Variants in LRCH3 observed in about 807,000 individuals in gnomAD.
LRCH3 encodes DISP complex protein LRCH3.
A neutral mutation model predicts 104.5 loss-of-function variants in LRCH3; 68 were observed. The ratio of observed to expected loss-of-function variants is 0.65; its 90% CI spans 0.54 to 0.80. The LOEUF (loss-of-function observed/expected upper bound fraction) is 0.80. LRCH3 is among the 30% of genes least tolerant of loss of function. The pLI is 0.00. For synonymous variants in LRCH3, 344 were observed against 361.3 expected, an observed-to-expected ratio of 0.95 and a Z score of 0.54; for missense variants, 951 against 953.9, an observed-to-expected ratio of 1.00 and a Z score of 0.04.
At position 197,886,750 on chromosome 3, in the gene LRCH3, G is replaced by C. The variant is rs1714220769; in HGVS notation, c.*3084G>C. The C allele has an allele frequency of 1.3e-5, 2 of 148,614 alleles. No homozygotes were observed. Among genetic ancestry groups the C allele is most frequent in the Admixed American group, 1.4e-4 (2 of 14,732 alleles). 9.2% of individuals were successfully genotyped at this position (148,614 alleles called of 1,614,324 possible). A position where few individuals can be genotyped will look rare whatever the true frequency, so the allele number is the denominator to read the frequency against. ...AACCTGGAAGCCGAAGGTTGCAGTGGGCTGAGATTGTGCCACTGCACTCCA... is the reference window on the plus strand; with the variant it reads ...AACCTGGAAGCCGAAGGTTGCAGTGCGCTGAGATTGTGCCACTGCACTCCA... On this transcript the variant is annotated 3_prime_UTR_variant, in exon 21 of 21. Coordinates refer to ENST00000425562, the MANE Select transcript of LRCH3 (RefSeq NM_001365715.1).
At chr3:197,861,250 G>A (rs1436129808) in intron 15 of LRCH3, among the ~76,000 whole-genome samples, 1 of 152,102 alleles carries the variant, frequency 6.6e-6, no homozygotes, top group Non-Finnish European at 1.5e-5. Context: ...TCTCTTCCAT[G>A]TGAACCCTTT....
chr3:197,866,042 T>C, intron 16 of LRCH3, 70 bp from the exon 17 acceptor site: 1 of 1,102,058 alleles, frequency 9.1e-7, no homozygotes, highest in South Asian at 1.3e-5. Flanking sequence ...CTTGTTACTT[T>C]TGTAACTTGT....
chr3:197,793,444 A>G (rs576330847), intron 1 of LRCH3, among the ~76,000 whole-genome samples: 12 of 152,280 alleles, frequency 7.9e-5, no homozygotes, highest in African/African-American at 2.9e-4. Flanking sequence ...TCTGTTTAGG[A>G]GATGGCTATA....
rs552096098 is a variant in LRCH3, at chr3:197,820,419, A to G, written c.629A>G (p.His210Arg). ...AATGTAAGAAGAAATCACCTAGTACATTTGCCTGAAGGTAAGAAACTATGA... is the reference window on the plus strand; with the variant it reads ...AATGTAAGAAGAAATCACCTAGTACGTTTGCCTGAAGGTAAGAAACTATGA... The part of the protein sequence containing the change: ...DLNVRRNHLV[H>R]LPEELAELPL... Residue 210 changes from histidine (H) to arginine (R), a missense_variant, in exon 4 of 21, where the codon CAT becomes CGT. Physicochemically the swap from His to Arg is conservative, Grantham distance 29. Coordinates refer to ENST00000425562, the MANE Select transcript of LRCH3 (RefSeq NM_001365715.1). 369 of 1,584,236 alleles carry G rather than the reference A, an allele frequency of 2.3e-4. 2 individuals are homozygous for G. The South Asian group carries it at 3.8e-3, about 16-fold the overall frequency.
At chr3:197,795,874 G>A (rs1731156428) in intron 1 of LRCH3, among the ~76,000 whole-genome samples, 1 of 151,596 alleles carries the variant, frequency 6.6e-6, no homozygotes, top group African/African-American at 2.4e-5. Context: ...TATATATTTA[G>A]TAGAGATGGG....
chr3:197,809,270 C>T (rs866917645), intron 1 of LRCH3, among the ~76,000 whole-genome samples: 87 of 151,508 alleles, frequency 5.7e-4, no homozygotes, highest in African/African-American at 2.0e-3. Context: ...TGCACTCCAG[C>T]TGGGGTAACA....
Position 197,887,115 on chromosome 3 carries a change from G to GA in LRCH3, c.*3451dup, listed in dbSNP as rs898617904. 7.9e-5 allele frequency: 12 copies of GA among 151,926 alleles called. No individual in the cohort carries two copies. Among genetic ancestry groups the GA allele is most frequent in the African/African-American group, 2.9e-4 (12 of 41,400 alleles). 9.4% of individuals were successfully genotyped at this position (151,926 alleles called of 1,614,324 possible). ...TTTTTCAAACCCTCTGCAGAGGTAG[G>GA]AAGGTATGAATTTCTTTTTTATGTC... On this transcript the variant is annotated 3_prime_UTR_variant, in exon 21 of 21. Coordinates refer to ENST00000425562, the MANE Select transcript of LRCH3 (RefSeq NM_001365715.1).
At chr3:197,871,647 C>T (rs931885230) in intron 19 of LRCH3, 185 bp downstream of exon 19, 19 of 672,546 alleles carry the variant, frequency 2.8e-5, no homozygotes, top group African/African-American at 5.4e-5. Flanking sequence ...TACAGCAGTG[C>T]GATAAATGTA....
Position 197,854,718 on chromosome 3 carries a change from A to G in LRCH3, c.1644+273A>G, listed in dbSNP as rs904358736. ...GCTGGGAATGGAGGCATAACATAAT[A>G]TTCATGTTTTAAATGTGTCTAATTC... On this transcript the variant is annotated intron_variant, in intron 14 of 20. Transcript: ENST00000425562. This position sits in a 1 kb window ranked among gnomAD's most constrained non-coding sequence, Gnocchi z 4.5. 4.6e-5 allele frequency among the ~76,000 whole-genome samples: 7 copies of G among 152,186 alleles called. No individual in the cohort carries two copies. In the East Asian group the frequency reaches 1.3e-3, roughly 29 times the overall value.
At chr3:197,803,505 A>T (rs1276110114) in intron 1 of LRCH3, among the ~76,000 whole-genome samples, 1 of 152,116 alleles carries the variant, frequency 6.6e-6, no homozygotes, top group East Asian at 1.9e-4. Context: ...ATTTCCTTAG[A>T]ATTTGCTACT....
rs1317015626 is a variant in LRCH3, at chr3:197,816,334, G to A, written c.408-842G>A. Among the ~76,000 whole-genome samples, 4 of 152,138 alleles carry A rather than the reference G, an allele frequency of 2.6e-5. No homozygotes were observed. The East Asian group carries it at 7.7e-4, about 29-fold the overall frequency. On this transcript the variant is annotated intron_variant, in intron 2 of 20. Transcript: ENST00000425562. ...TTACTCTCGTTGCCCAGGCTGGAGT[G>A]CAATGGTGTGATCTTGGCTCGCCAC...
chr3:197,883,746 A>T lies in LRCH3; in HGVS notation c.*80A>T. The T allele has an allele frequency of 7.0e-7, 1 of 1,433,594 alleles. No homozygotes were observed. The highest frequency in any genetic ancestry group is 9.3e-7 in the Non-Finnish European group (1 of 1,079,996). The allele number at this position is 1,433,594 out of a possible 1,614,324, so 88.8% of individuals were successfully genotyped here. ...GATTGCTGCTGCCAGCTGTCTGCTT[A>T]AACAAAGCTCTTGTGTGTTCTCAGA... On this transcript the variant is annotated 3_prime_UTR_variant, in exon 21 of 21. Transcript: ENST00000425562. The surrounding 1 kb of genome is among the most constrained non-coding windows in gnomAD (Gnocchi z 4.2).
chr3:197,795,686 G>GTTTTTTTTTTTT (rs1167369678), intron 1 of LRCH3, among the ~76,000 whole-genome samples: 1 of 65,818 alleles, frequency 1.5e-5, no homozygotes, highest in Non-Finnish European at 2.7e-5. Flanking sequence ...AAAAGTTGTT[G>GTTTTTTTTTTTT]TTTTTTTTTT....
At chr3:197,877,620 A>G (rs934935655) in intron 20 of LRCH3, among the ~76,000 whole-genome samples, 5 of 152,274 alleles carry the variant, frequency 3.3e-5, no homozygotes, top group Non-Finnish European at 4.4e-5. Context: ...GGAGTTGACT[A>G]GGCCACAGCA....
At chr3:197,814,129 T>G (rs1322762814) in intron 1 of LRCH3, among the ~76,000 whole-genome samples, 2 of 152,144 alleles carry the variant, frequency 1.3e-5, no homozygotes, top group African/African-American at 4.8e-5. Context: ...GACGTGAAAC[T>G]GGGAACAAAA....
intron 15 of LRCH3, 200 bp downstream of exon 15, chr3:197,859,105 C>T (rs1740598214): frequency 1.8e-6 from 1 of 563,230 alleles, no homozygotes; most frequent in Non-Finnish European, 3.2e-6. Flanking sequence ...ATAGAGCTCA[C>T]ATTAATTCTT....
chr3:197,880,247 T>A (rs544515241), intron 20 of LRCH3, among the ~76,000 whole-genome samples: 3 of 151,184 alleles, frequency 2.0e-5, no homozygotes, highest in Admixed American at 6.5e-5. Flanking sequence ...GCCCGGCCTG[T>A]GTATTGTATT....
At chr3:197,812,781 C>T (rs1161080137) in intron 1 of LRCH3, among the ~76,000 whole-genome samples, 2 of 152,026 alleles carry the variant, frequency 1.3e-5, no homozygotes, top group Admixed American at 6.6e-5. Flanking sequence ...AGGCTGGTCT[C>T]GAACTCCTGA....
Position 197,839,328 on chromosome 3 carries a change from C to T in LRCH3, c.1259C>T (p.Pro420Leu). The change falls in exon 10 of 21, where the codon CCA becomes CTA. Residue 420 changes from proline (P) to leucine (L), a missense_variant. Pro to Leu is a moderately conservative substitution (Grantham distance 98). Transcript: ENST00000425562. ...EQRRISHEGS[P>L]VKPVAIREFQ... The stretch of plus-strand genomic sequence containing the variant: ...TTCTGTCCTCTGGCCTAGGGTTCAC[C>T]AGTAAAGCCAGTAGCCATTAGGGAG... The T allele has an allele frequency of 6.3e-7, 1 of 1,591,080 alleles. No individual in the cohort carries two copies. The highest frequency in any genetic ancestry group is 8.5e-7 in the Non-Finnish European group (1 of 1,171,016).
Sources: allele counts gnomAD v4.1 joint callset (sites outside exome capture counted in the v4.1 genomes callset), GRCh38; gene constraint gnomAD v4.1.1; non-coding constraint Gnocchi (gnomAD v3.1); transcripts MANE v1.5; gene names NCBI Gene and HGNC (gene_info 2026-07-23, HGNC 2026-07-21).